The following JMJD1C variants were observed in gnomAD, a reference collection of about 807,000 sequenced individuals.
JMJD1C encodes jumonji domain containing 1C.
JMJD1C carries 31 observed loss-of-function variants against 245.3 expected under a neutral mutation model. The ratio of observed to expected loss-of-function variants is 0.13; its 90% CI spans 0.09 to 0.17. The LOEUF is 0.17. JMJD1C is among the 10% of genes least tolerant of loss of function. JMJD1C has a pLI of 1.00. For missense variants in JMJD1C, 2,691 were observed against 3,000.2 expected (o/e 0.90, Z 2.41); for synonymous variants, 1,057 against 1,017.4 (o/e 1.04, Z -0.74).
chr10:63,279,083 C>G (rs2133874032), intron 2 of JMJD1C, among the ~76,000 whole-genome samples: 1 of 151,906 alleles, frequency 6.6e-6, no homozygotes, highest in East Asian at 2.0e-4. Context: ...AACCTCATCT[C>G]TACTAAAAAT....
intron 3 of JMJD1C, among the ~76,000 whole-genome samples, chr10:63,248,521 A>AATAGATAGACAG (rs1554854283): frequency 7.4e-6 from 1 of 134,528 alleles, no homozygotes. Flanking sequence ...ACCTCATCTC[A>AATAGATAGACAG]ATAGATAGAT....
intron 3 of JMJD1C, among the ~76,000 whole-genome samples, chr10:63,245,905 G>A (rs1020678250): frequency 1.3e-5 from 2 of 152,170 alleles, no homozygotes; most frequent in East Asian, 3.8e-4. Context: ...GGAACTGTGG[G>A]AGTTACAATT....
chr10:63,226,955 C>T (rs932987427), intron 3 of JMJD1C, among the ~76,000 whole-genome samples: 1 of 152,016 alleles, frequency 6.6e-6, no homozygotes, highest in Non-Finnish European at 1.5e-5. Context: ...ATAATCCCAG[C>T]TACTCGGGAG....
intron 2 of JMJD1C, among the ~76,000 whole-genome samples, chr10:63,367,155 G>A (rs1003562907): frequency 1.3e-5 from 2 of 152,192 alleles, no homozygotes; most frequent in Admixed American, 6.5e-5. Flanking sequence ...CAGAGGTTGA[G>A]TGGACCAATG....
At position 63,214,923 on chromosome 10, in the gene JMJD1C, T is replaced by A. The variant is rs374205518; in HGVS notation, c.1244A>T (p.Lys415Ile). 1 of 1,609,110 alleles carries A rather than the reference T, an allele frequency of 6.2e-7. No individual in the cohort carries two copies. The highest frequency in any genetic ancestry group is 1.3e-5 in the African/African-American group (1 of 74,608). ...TCCTGCCTTCTCATTATTATGGGGTTTTCCTTCTTCTCCATTTATTTTTGA... is the reference window on the plus strand; with the variant it reads ...TCCTGCCTTCTCATTATTATGGGGTATTCCTTCTTCTCCATTTATTTTTGA... ...NTSKINGEEG[K>I]PHNNEKAGEE... The change falls in exon 8 of 26, where the codon AAA becomes ATA. Residue 415 changes from lysine to isoleucine, a missense_variant. Lys to Ile is a moderately radical substitution (Grantham distance 102). Around this residue, in one of 9 missense-constraint regions of JMJD1C, gnomAD observed 1,562 missense variants for 1,490.7 expected, o/e 1.05. Coordinates refer to ENST00000399262, the MANE Select transcript of JMJD1C (RefSeq NM_032776.3).
chr10:63,197,314 G>A (rs1845567449), intron 13 of JMJD1C, 97 bp downstream of exon 13: 2 of 1,032,496 alleles, frequency 1.9e-6, no homozygotes, highest in Non-Finnish European at 2.8e-6. Flanking sequence ...ACATTAATAA[G>A]GAAAGTAGGA....
At chr10:63,201,759 G>A (rs563245954) in intron 10 of JMJD1C, among the ~76,000 whole-genome samples, 6 of 151,894 alleles carry the variant, frequency 4.0e-5, no homozygotes, top group South Asian at 2.1e-4. Context: ...GTGAAATCCC[G>A]TCTCTACTAA....
intron 2 of JMJD1C, among the ~76,000 whole-genome samples, chr10:63,348,967 G>A (rs539470231): frequency 7.2e-5 from 11 of 152,016 alleles, no homozygotes; most frequent in Admixed American, 4.6e-4. Flanking sequence ...CAGGCGTGGT[G>A]GCAGGTGCCT....
At chr10:63,456,698 A>T (rs1224442042) in intron 1 of JMJD1C, among the ~76,000 whole-genome samples, 20 of 152,058 alleles carry the variant, frequency 1.3e-4, no homozygotes, top group Non-Finnish European at 1.5e-4. Context: ...CCATGTTAAC[A>T]TTTTCTGGCA....
Position 63,334,766 on chromosome 10 carries a change from T to G in JMJD1C, c.333+45552A>C, listed in dbSNP as rs1221722210. 3.5e-5 allele frequency among the ~76,000 whole-genome samples: 5 copies of G among 144,486 alleles called. No individual in the cohort carries two copies. In the South Asian group the frequency reaches 1.3e-3, roughly 38 times the overall value. The allele number at this position is 144,486 out of a possible 152,430, so 94.8% of individuals were successfully genotyped here. ...CGCTCTGTCACCCAGGTTGGAGGGGTGGCGTGATCTCAGCTTACTGCAACC... is the reference window on the plus strand; with the variant it reads ...CGCTCTGTCACCCAGGTTGGAGGGGGGGCGTGATCTCAGCTTACTGCAACC... On this transcript the variant is annotated intron_variant, in intron 2 of 25. Coordinates refer to ENST00000399262, the MANE Select transcript of JMJD1C (RefSeq NM_032776.3).
intron 1 of JMJD1C, among the ~76,000 whole-genome samples, chr10:63,408,253 A>G (rs1277628791): frequency 6.6e-6 from 1 of 152,008 alleles, no homozygotes; most frequent in Admixed American, 6.6e-5. Flanking sequence ...AATACAAAAA[A>G]TTAGCTGGGC....
At chr10:63,321,782 C>G (rs1315742766) in intron 2 of JMJD1C, among the ~76,000 whole-genome samples, 1 of 152,172 alleles carries the variant, frequency 6.6e-6, no homozygotes, top group African/African-American at 2.4e-5. Flanking sequence ...GCTTCAAAGG[C>G]GTGAAGAGCT....
chr10:63,180,936 T>C (rs1288321966), intron 22 of JMJD1C, among the ~76,000 whole-genome samples: 1 of 152,010 alleles, frequency 6.6e-6, no homozygotes, highest in Non-Finnish European at 1.5e-5. Context: ...GCCCGGCTAA[T>C]TTTTTGTATT....
chr10:63,308,254 G>C (rs555016576), intron 2 of JMJD1C, among the ~76,000 whole-genome samples: 1 of 152,238 alleles, frequency 6.6e-6, no homozygotes, highest in South Asian at 2.1e-4. Context: ...CTTGCAGACA[G>C]ATCCTTACCA....
chr10:63,494,259 T>C (rs1466183692), intron 1 of JMJD1C, among the ~76,000 whole-genome samples: 3 of 150,876 alleles, frequency 2.0e-5, no homozygotes, highest in Non-Finnish European at 4.4e-5. Flanking sequence ...TGCGGTGAGC[T>C]GAGATTGCGC....
chr10:63,455,839 AAGGCAGTAGAACCT>A (rs1368017686), intron 1 of JMJD1C, among the ~76,000 whole-genome samples: 1 of 152,148 alleles, frequency 6.6e-6, no homozygotes, highest in African/African-American at 2.4e-5. Context: ...GCAATTCAAA[AAGGCAGTAGAACCT>A]AGTGAAAAAA....
rs539677218 is a variant in JMJD1C at position 63,361,518 on chromosome 10, A to C, written c.333+18800T>G. On this transcript the variant is annotated intron_variant, in intron 2 of 25. Coordinates refer to ENST00000399262, the MANE Select transcript of JMJD1C (RefSeq NM_032776.3). ...AATACTAAAAAGAAAGAAAAGTCAG[A>C]TAAAAAGCAGAAGTGTCTCTGGGGT... 5.3e-5 allele frequency among the ~76,000 whole-genome samples: 8 copies of C among 152,318 alleles called. No individual in the cohort carries two copies. In the East Asian group the frequency reaches 1.5e-3, roughly 29 times the overall value.
chr10:63,392,202 G>A (rs749632632), intron 1 of JMJD1C, among the ~76,000 whole-genome samples: 1 of 151,952 alleles, frequency 6.6e-6, no homozygotes, highest in East Asian at 1.9e-4. Flanking sequence ...ATCTCTCACC[G>A]TATACAAAAT....
chr10:63,238,741 T>C (rs1230999687), intron 3 of JMJD1C, among the ~76,000 whole-genome samples: 2 of 152,232 alleles, frequency 1.3e-5, no homozygotes, highest in African/African-American at 4.8e-5. Flanking sequence ...AAACTAGATT[T>C]GACAGCTTGT....
Sources: gnomAD v4.1 joint callset for allele counts (sites outside exome capture counted in the v4.1 genomes callset) on GRCh38, gnomAD v4.1.1 for gene constraint, gnomAD v4.1.1 regional missense constraint, MANE v1.5 for transcripts, NCBI Gene and HGNC (gene_info 2026-07-23, HGNC 2026-07-21) for gene names.